Variants in PTBP2 observed in about 807,000 individuals in gnomAD.
PTBP2 encodes polypyrimidine tract-binding protein 2.
PTBP2 carries 13 observed loss-of-function variants against 61.4 expected under a neutral mutation model. That is an observed-to-expected ratio of 0.21 (90% confidence interval 0.14 to 0.34). The LOEUF (loss-of-function observed/expected upper bound fraction) is 0.34. PTBP2 is among the 10% of genes least tolerant of loss of function. PTBP2 has a pLI of 1.00. For missense variants in PTBP2, 405 were observed against 642.6 expected (o/e 0.63, Z 4.00); for synonymous variants, 215 against 218.5 (o/e 0.98, Z 0.14).
chr1:96,735,781 A>G (rs991101223), intron 2 of PTBP2, among the ~76,000 whole-genome samples: 3 of 152,202 alleles, frequency 2.0e-5, no homozygotes, highest in Non-Finnish European at 2.9e-5. Flanking sequence ...AGTTCTAACA[A>G]ACATCTAATT....
intron 5 of PTBP2, among the ~76,000 whole-genome samples, chr1:96,773,122 T>TTA (rs1657580635): frequency 4.4e-5 from 2 of 45,068 alleles, no homozygotes; most frequent in African/African-American, 1.8e-4. Flanking sequence ...AGACTCTATC[T>TTA]CAAAAAAAAA....
intron 8 of PTBP2, among the ~76,000 whole-genome samples, chr1:96,799,127 AT>A (rs994721448): frequency 3.3e-5 from 5 of 152,072 alleles, no homozygotes; most frequent in Admixed American, 3.3e-4. Context: ...TAACATGAGA[AT>A]TTTAGGAGAT....
intron 2 of PTBP2, among the ~76,000 whole-genome samples, chr1:96,741,932 T>A (rs1315859925): frequency 1.3e-5 from 2 of 152,232 alleles, no homozygotes; most frequent in Non-Finnish European, 2.9e-5. Context: ...CTGTGCTATG[T>A]CTTGTAGCAG....
At chr1:96,788,670 C>T (rs184101327) in intron 8 of PTBP2, among the ~76,000 whole-genome samples, 112 of 152,064 alleles carry the variant, frequency 7.4e-4, no homozygotes, top group African/African-American at 2.5e-3. Context: ...TAAGGTGATA[C>T]TCTTTTGCTA....
intron 8 of PTBP2, among the ~76,000 whole-genome samples, chr1:96,791,373 G>C (rs1408564389): frequency 6.6e-6 from 1 of 152,230 alleles, no homozygotes; most frequent in East Asian, 1.9e-4. Context: ...ATTCATTGTA[G>C]TCTTTTAGAT....
chr1:96,797,731 ATTACTTATAT>A, intron 8 of PTBP2, among the ~76,000 whole-genome samples: 1 of 152,260 alleles, frequency 6.6e-6, no homozygotes, highest in East Asian at 1.9e-4. Context: ...TCATCTCTAG[ATTACTTATAT>A]TACCCAGTAC....
chr1:96,789,253 G>A lies in PTBP2; in HGVS notation c.904+3999G>A, dbSNP rs532225013. On this transcript the variant is annotated intron_variant, in intron 8 of 13. Coordinates refer to ENST00000674951, the MANE Select transcript of PTBP2 (RefSeq NM_021190.4). ...TCATCATAAAGTTTTTAAAAGAAAG[G>A]CAAAGCAGACTTTCTGTAGGAAATC... Among the ~76,000 whole-genome samples, 9 of 152,116 alleles carry A rather than the reference G, an allele frequency of 5.9e-5. No homozygotes were observed. The South Asian group carries it at 1.4e-3, about 24-fold the overall frequency.
intron 8 of PTBP2, among the ~76,000 whole-genome samples, chr1:96,791,830 T>TTTTTGTTTTTTTTTTTG (rs796570591): frequency 3.6e-4 from 47 of 129,764 alleles, no homozygotes; most frequent in African/African-American, 1.4e-3. Context: ...GTTGTGCTTT[T>TTTTTGTTTTTTTTTTTG]TTTTTTTTTT....
Position 96,804,538 on chromosome 1 carries a change from G to A in PTBP2, c.905-262G>A, listed in dbSNP as rs375041180. 1.6e-4 allele frequency among the ~76,000 whole-genome samples: 24 copies of A among 152,206 alleles called. No homozygotes were observed. In the South Asian group the frequency reaches 4.6e-3, roughly 29 times the overall value. ...TGTTTGCTTTTCCAGAGGAAATAGA[G>A]TATTATATATTTGATATTTTAACAT... is the stretch of plus-strand genomic sequence containing the variant. On this transcript the variant is annotated intron_variant, in intron 8 of 13. Transcript: ENST00000674951.
intron 8 of PTBP2, among the ~76,000 whole-genome samples, chr1:96,786,456 T>C (rs2101078283): frequency 6.6e-6 from 1 of 152,300 alleles, no homozygotes; most frequent in South Asian, 2.1e-4. Flanking sequence ...TGTGTGTGTC[T>C]AGCTTAATTC....
rs1249390542 is a variant in PTBP2 at position 96,804,889 on chromosome 1, G to T, written c.994G>T (p.Val332Phe). ...AAAGRVGMPG[V>F]SAGGNTVLLV... ...TGCTGGCCGAGTGGGTATGCCTGGA[G>T]TCTCAGCTGGTGGCAATACAGTCCT... The change falls in exon 9 of 14, where the codon GTC becomes TTC. Residue 332 changes from valine (V) to phenylalanine (F), a missense_variant. Transcript: ENST00000674951. The T allele has an allele frequency of 1.2e-6, 2 of 1,611,364 alleles. No homozygotes were observed. The highest frequency in any genetic ancestry group is 1.7e-5 in the Admixed American group (1 of 59,962).
intron 2 of PTBP2, among the ~76,000 whole-genome samples, chr1:96,745,077 T>A (rs868249931): frequency 6.6e-6 from 1 of 152,148 alleles, no homozygotes; most frequent in Admixed American, 6.5e-5. Flanking sequence ...GAGAATGTTA[T>A]GAAATATAAG....
At chr1:96,786,361 C>T (rs1289263382) in intron 8 of PTBP2, among the ~76,000 whole-genome samples, 2 of 152,078 alleles carry the variant, frequency 1.3e-5, no homozygotes, top group African/African-American at 4.8e-5. Context: ...CTGGTGTATC[C>T]TAGCAGAAGT....
chr1:96,754,718 T>C (rs1387565514), intron 3 of PTBP2, among the ~76,000 whole-genome samples: 1 of 152,144 alleles, frequency 6.6e-6, no homozygotes, highest in Admixed American at 6.5e-5. Context: ...TATGGATAAC[T>C]GATTTTTGAC....
chr1:96,758,784 A>G (rs1012249268), intron 3 of PTBP2, among the ~76,000 whole-genome samples: 1 of 152,102 alleles, frequency 6.6e-6, no homozygotes, highest in African/African-American at 2.4e-5. Flanking sequence ...TGTTTTCTCA[A>G]TTTTTCCCCT....
intron 2 of PTBP2, among the ~76,000 whole-genome samples, chr1:96,740,338 T>G (rs1652835716): frequency 6.6e-6 from 1 of 152,186 alleles, no homozygotes; most frequent in African/African-American, 2.4e-5. Flanking sequence ...TTACTTTGTG[T>G]GCCTCACATG....
At chr1:96,779,361 T>C (rs544797563) in intron 7 of PTBP2, among the ~76,000 whole-genome samples, 51 of 152,224 alleles carry the variant, frequency 3.4e-4, no homozygotes, top group African/African-American at 1.1e-3. Flanking sequence ...TTTTCCTTGC[T>C]CTTCTGACCC....
At chr1:96,724,255 G>GT (rs1181521615) in intron 2 of PTBP2, among the ~76,000 whole-genome samples, 1 of 83,054 alleles carries the variant, frequency 1.2e-5, no homozygotes, top group Non-Finnish European at 3.3e-5. Flanking sequence ...ATTTTTTTTT[G>GT]TTTTTTGTTT....
chr1:96,800,007 T>C (rs927552303), intron 8 of PTBP2, among the ~76,000 whole-genome samples: 17 of 152,138 alleles, frequency 1.1e-4, no homozygotes, highest in African/African-American at 3.9e-4. Flanking sequence ...GCCTAAGTAG[T>C]TTTTCTAAGT....
Sources: allele counts gnomAD v4.1 joint callset (sites outside exome capture counted in the v4.1 genomes callset), GRCh38; gene constraint gnomAD v4.1.1; transcripts MANE v1.5; gene names NCBI Gene and HGNC (gene_info 2026-07-23, HGNC 2026-07-21).